Variants in B3GNT2 observed in about 807,000 individuals in gnomAD.
B3GNT2 encodes UDP-GlcNAc:betaGal beta-1,3-N-acetylglucosaminyltransferase 2, also known as N-acetyllactosaminide beta-1,3-N-acetylglucosaminyltransferase 2.
B3GNT2 carries 12 observed loss-of-function variants against 27.6 expected under a neutral mutation model. That is an observed-to-expected ratio of 0.44 (90% confidence interval 0.28 to 0.71). The LOEUF is 0.71. Among genes scored for constraint, B3GNT2 ranks in the 30% least tolerant of loss-of-function variants. The pLI is 0.17. For missense variants in B3GNT2, 413 were observed against 488.5 expected, an observed-to-expected ratio of 0.85 and a Z score of 1.46; for synonymous variants, 192 against 189.7, an observed-to-expected ratio of 1.01 and a Z score of -0.10.
intron 1 of B3GNT2, among the ~76,000 whole-genome samples, chr2:62,208,953 G>A (rs1223199697): frequency 6.6e-6 from 1 of 152,126 alleles, no homozygotes; most frequent in Non-Finnish European, 1.5e-5. Context: ...CAACCTGGGT[G>A]GGGGCAGTGG....
At chr2:62,217,315 C>G (rs1445180014) in intron 1 of B3GNT2, among the ~76,000 whole-genome samples, 2 of 152,178 alleles carry the variant, frequency 1.3e-5, no homozygotes, top group Non-Finnish European at 1.5e-5. Context: ...GGTTTGAGTC[C>G]TGGCTCTACC....
At chr2:62,200,106 CTG>C (rs1173143148) in intron 1 of B3GNT2, among the ~76,000 whole-genome samples, 1 of 152,156 alleles carries the variant, frequency 6.6e-6, no homozygotes, top group Non-Finnish European at 1.5e-5. Context: ...GTGTGTTGCC[CTG>C]TGAGTATTAA....
At position 62,207,191 on chromosome 2, in the gene B3GNT2, T is replaced by C. The variant is rs1399370509; in HGVS notation, c.-10+10836T>C. On this transcript the variant is annotated intron_variant, in intron 1 of 1. Coordinates refer to ENST00000301998, the MANE Select transcript of B3GNT2 (RefSeq NM_006577.6). ...CTCTCAAACTCTACAGTTTTGTTTT[T>C]TTTTTTAAGACAGGGTCTCACTCTG... is the stretch of plus-strand genomic sequence containing the variant. Among the ~76,000 whole-genome samples, 4 of 152,278 alleles carry C rather than the reference T, an allele frequency of 2.6e-5. No individual in the cohort carries two copies. In the East Asian group the frequency reaches 7.7e-4, roughly 29 times the overall value.
chr2:62,221,294 G>A (rs188396104), intron 1 of B3GNT2, among the ~76,000 whole-genome samples: 82 of 152,330 alleles, frequency 5.4e-4, no homozygotes, highest in Non-Finnish European at 9.3e-4. Context: ...GCCACAGTTT[G>A]ATCATCTGTT....
intron 1 of B3GNT2, among the ~76,000 whole-genome samples, chr2:62,220,316 T>G (rs1674665182): frequency 6.6e-6 from 1 of 152,246 alleles, no homozygotes; most frequent in Non-Finnish European, 1.5e-5. Flanking sequence ...GATTTCTTAC[T>G]GTCCATAATC....
At position 62,222,063 on chromosome 2, in the gene B3GNT2, GAAAGGAAGGGC is replaced by G; in HGVS notation, c.-9-148_-9-138del. ...CCACTTGCCCATGATCACAAAGCTA[GAAAGGAAGGGC>G]CAAGATTTGAACCTAGGCAGTGCAA... On this transcript the variant is annotated intron_variant, in intron 1 of 1. Coordinates refer to ENST00000301998, the MANE Select transcript of B3GNT2 (RefSeq NM_006577.6). This position sits in a 1 kb window ranked among gnomAD's most constrained non-coding sequence, Gnocchi z 4.2. The G allele has an allele frequency of 1.4e-6, 1 of 716,836 alleles. No homozygotes were observed. The highest frequency in any genetic ancestry group is 2.3e-6 in the Non-Finnish European group (1 of 441,472). 44.4% of individuals were successfully genotyped at this position (716,836 alleles called of 1,614,324 possible).
rs1379590108 is a variant in B3GNT2 at position 62,222,326 on chromosome 2, A to G, written c.106A>G (p.Asn36Asp). The change falls in exon 2 of 2, where the codon AAT becomes GAT. Residue 36 changes from asparagine to aspartate, a missense_variant. Transcript: ENST00000301998. The surrounding 1 kb of genome is among the most constrained non-coding windows in gnomAD (Gnocchi z 4.2). ...EVSKSSSQEK[N>D]GKGEVIIPKE... ...CTCCAAAAGCAGTAGCCAAGAAAAA[A>G]ATGGAAAAGGGGAAGTAATAATACC... is the stretch of plus-strand genomic sequence containing the variant. The G allele has an allele frequency of 6.2e-7, 1 of 1,614,156 alleles. No individual in the cohort carries two copies.
chr2:62,205,994 A>G (rs1413538501), intron 1 of B3GNT2: 1 of 154,326 alleles, frequency 6.5e-6, no homozygotes, highest in East Asian at 1.9e-4. Flanking sequence ...TCCTCATGGA[A>G]GAGGAGACAG....
Position 62,222,230 on chromosome 2 carries a change from G to A in B3GNT2, c.10G>A (p.Gly4Arg). The change falls in exon 2 of 2, where the codon GGA (glycine) becomes AGA (arginine). Residue 4 changes from glycine to arginine, a missense_variant. Physicochemically the swap from Gly to Arg is moderately radical, Grantham distance 125. Coordinates refer to ENST00000301998, the MANE Select transcript of B3GNT2 (RefSeq NM_006577.6). The surrounding 1 kb of genome is among the most constrained non-coding windows in gnomAD (Gnocchi z 4.2). ...ATTCCAGATATGAGAAATGAGTGTT[G>A]GACGTCGAAGAATAAAGTTGTTGGG... MSV[G>R]RRRIKLLGIL... 6.2e-7 allele frequency: 1 copy of A among 1,601,454 alleles called. No homozygotes were observed. The highest frequency in any genetic ancestry group is 8.5e-7 in the Non-Finnish European group (1 of 1,174,572).
In B3GNT2 at chr2:62,218,969, G is replaced by A. The variant is rs537650651; in HGVS notation, c.-9-3243G>A. On this transcript the variant is annotated intron_variant, in intron 1 of 1. Transcript: ENST00000301998. ...CAGATGAAGTTGGAAATCTTGCCAG[G>A]GGTCAGCAAGCTTATTCCTCAAAGC... 1.1e-4 allele frequency among the ~76,000 whole-genome samples: 17 copies of A among 152,306 alleles called. No homozygotes were observed. The South Asian group carries it at 3.3e-3, about 30-fold the overall frequency.
At chr2:62,208,999 GGTT>G (rs1268653875) in intron 1 of B3GNT2, among the ~76,000 whole-genome samples, 4 of 152,040 alleles carry the variant, frequency 2.6e-5, no homozygotes, top group East Asian at 1.9e-4. Context: ...GCGCTTTTTT[GGTT>G]GTTGTTGTTG....
At chr2:62,215,292 G>C (rs1299941350) in intron 1 of B3GNT2, among the ~76,000 whole-genome samples, 1 of 152,192 alleles carries the variant, frequency 6.6e-6, no homozygotes, top group Non-Finnish European at 1.5e-5. Context: ...ACAGACTGGA[G>C]AGCAGAGGTA....
At chr2:62,201,966 G>A (rs1674274376) in intron 1 of B3GNT2, among the ~76,000 whole-genome samples, 1 of 152,212 alleles carries the variant, frequency 6.6e-6, no homozygotes. Context: ...CTTTGTTAGT[G>A]CTGAGCAGAC....
intron 1 of B3GNT2, among the ~76,000 whole-genome samples, chr2:62,216,592 T>TG (rs766439001): frequency 4.6e-5 from 7 of 151,820 alleles, no homozygotes; most frequent in Non-Finnish European, 1.0e-4. Flanking sequence ...AATGTAGACA[T>TG]GGGGTCTCGC....
intron 1 of B3GNT2, among the ~76,000 whole-genome samples, chr2:62,201,821 A>C (rs1392726570): frequency 1.3e-5 from 2 of 152,240 alleles, no homozygotes; most frequent in African/African-American, 4.8e-5. Context: ...GAATGACCTT[A>C]GGAAAAACAT....
chr2:62,214,383 ACCTGGCT>A (rs973580947), intron 1 of B3GNT2, among the ~76,000 whole-genome samples: 1 of 116,658 alleles, frequency 8.6e-6, no homozygotes, highest in African/African-American at 2.9e-5. Flanking sequence ...TAATAGAAGC[ACCTGGCT>A]CCTGGCTGAA....
Position 62,222,673 on chromosome 2 carries a change from C to G in B3GNT2, c.453C>G (p.Leu151=). The G allele has an allele frequency of 6.2e-7, 1 of 1,614,236 alleles. No individual in the cohort carries two copies. Among genetic ancestry groups the G allele is most frequent in the Non-Finnish European group, 8.5e-7 (1 of 1,180,044 alleles). Residue 151 remains leucine, a synonymous_variant, in exon 2 of 2, where the codon CTC becomes CTG. Coordinates refer to ENST00000301998, the MANE Select transcript of B3GNT2 (RefSeq NM_006577.6). This position sits in a 1 kb window ranked among gnomAD's most constrained non-coding sequence, Gnocchi z 4.2. ...KPFLLLAIKS[L]TPHFARRQAI... The stretch of plus-strand genomic sequence containing the variant: ...TCTTGTTGCTGGCGATTAAGTCCCT[C>G]ACTCCACATTTTGCCAGAAGGCAAG...
Position 62,222,470 on chromosome 2 carries a change from G to T in B3GNT2, c.250G>T (p.Ala84Ser). 1 of 1,614,108 alleles carries T rather than the reference G, an allele frequency of 6.2e-7. No individual in the cohort carries two copies. The change falls in exon 2 of 2, where the codon GCG becomes TCG. Residue 84 changes from alanine (A) to serine (S), a missense_variant. Coordinates refer to ENST00000301998, the MANE Select transcript of B3GNT2 (RefSeq NM_006577.6). This position sits in a 1 kb window ranked among gnomAD's most constrained non-coding sequence, Gnocchi z 4.2. The part of the protein sequence containing the change: ...LSMLTNQTGE[A>S]GRLSNISHLN... ...CATGCTGACCAACCAGACGGGGGAG[G>T]CGGGCAGGCTCTCCAATATAAGCCA...
chr2:62,203,351 T>C (rs960264012), intron 1 of B3GNT2, among the ~76,000 whole-genome samples: 1 of 152,030 alleles, frequency 6.6e-6, no homozygotes, highest in African/African-American at 2.4e-5. Context: ...TTGGGGCATT[T>C]TTTAGCATAC....
Sources: allele counts gnomAD v4.1 joint callset (sites outside exome capture counted in the v4.1 genomes callset), GRCh38; gene constraint gnomAD v4.1.1; non-coding constraint Gnocchi (gnomAD v3.1); transcripts MANE v1.5; gene names NCBI Gene and HGNC (gene_info 2026-07-23, HGNC 2026-07-21).